NTM: variants seen among roughly 807,000 people sequenced by gnomAD.
The protein encoded by NTM is IgLON family member 2.
A neutral mutation model predicts 42.1 loss-of-function variants in NTM; 13 were observed. That is an observed-to-expected ratio of 0.31 (90% CI 0.20 to 0.49). The LOEUF (loss-of-function observed/expected upper bound fraction) is 0.49. NTM is among the 20% of genes least tolerant of loss of function. The pLI, the probability that NTM is intolerant of heterozygous loss-of-function variation, is 0.99. For synonymous variants in NTM, 187 were observed against 179.2 expected (o/e 1.04, Z -0.35); for missense variants, 373 against 452.8 (o/e 0.82, Z 1.60).
At chr11:131,783,575 A>C (rs2088577448) in intron 1 of NTM, among the ~76,000 whole-genome samples, 1 of 152,152 alleles carries the variant, frequency 6.6e-6, no homozygotes, top group South Asian at 2.1e-4. Context: ...TGCTCAAAAA[A>C]CTGAATATTT....
chr11:132,282,353 G>C (rs2094005152), intron 4 of NTM, among the ~76,000 whole-genome samples: 1 of 152,222 alleles, frequency 6.6e-6, no homozygotes. Context: ...GGAATAGCTT[G>C]TGTCTGGAAG....
intron 3 of NTM, among the ~76,000 whole-genome samples, chr11:132,166,861 T>C (rs2075357272): frequency 1.3e-5 from 2 of 152,172 alleles, no homozygotes; most frequent in Admixed American, 6.5e-5. Flanking sequence ...CCTCACAATC[T>C]CATAGCACTT....
At chr11:131,386,268 C>A (rs189313984) in intron 1 of NTM, among the ~76,000 whole-genome samples, 7 of 152,226 alleles carry the variant, frequency 4.6e-5, no homozygotes, top group Admixed American at 6.5e-5. Context: ...CTAGGGTAGG[C>A]AAATTCATGG....
chr11:131,836,449 G>A (rs1170758287), intron 1 of NTM, among the ~76,000 whole-genome samples: 3 of 152,150 alleles, frequency 2.0e-5, no homozygotes, highest in Non-Finnish European at 2.9e-5. Context: ...CACAGTGCTT[G>A]GAACACTGTA....
At chr11:132,253,652 C>T (rs889670990) in intron 4 of NTM, among the ~76,000 whole-genome samples, 10 of 152,158 alleles carry the variant, frequency 6.6e-5, no homozygotes, top group African/African-American at 2.4e-4. Flanking sequence ...CTCAGGCTCA[C>T]GTGGCCAGCT....
intron 2 of NTM, among the ~76,000 whole-genome samples, chr11:132,124,506 C>T (rs1566226961): frequency 6.6e-6 from 1 of 152,250 alleles, no homozygotes; most frequent in Non-Finnish European, 1.5e-5. Context: ...CCATCTGCCT[C>T]CCCATTTCTA....
rs952569543 is a variant in NTM, at chr11:131,957,634, A to G, written c.167+45986A>G. Among the ~76,000 whole-genome samples the G allele has an allele frequency of 5.3e-5, 8 of 152,366 alleles. No individual in the cohort carries two copies. In the South Asian group the frequency reaches 6.2e-4, roughly 12 times the overall value. ...AGACAATACACATAAAAATAAAGGT[A>G]GTAAGTGTAAGAGCATTTTAATTGC... On this transcript the variant is annotated intron_variant, in intron 2 of 8. Transcript: ENST00000683400.
chr11:132,279,473 G>A (rs2044729), intron 4 of NTM, among the ~76,000 whole-genome samples: 6,932 of 152,196 alleles, frequency 0.046, 524 homozygotes, highest in African/African-American at 0.16. Context: ...TGCTTGTCAT[G>A]TTTAGATGCC....
intron 1 of NTM, among the ~76,000 whole-genome samples, chr11:131,607,332 T>G (rs1329360463): frequency 1.3e-5 from 2 of 152,234 alleles, no homozygotes; most frequent in Non-Finnish European, 1.5e-5. Flanking sequence ...TCTGCTGTTT[T>G]GCGGTTATAG....
At chr11:132,296,394 T>C (rs2094610529) in intron 4 of NTM, among the ~76,000 whole-genome samples, 1 of 152,236 alleles carries the variant, frequency 6.6e-6, no homozygotes, top group Admixed American at 6.5e-5. Context: ...ACTTTTCCTA[T>C]AGTTTGTTCC....
At chr11:131,668,814 G>A (rs993586262) in intron 1 of NTM, among the ~76,000 whole-genome samples, 1 of 152,172 alleles carries the variant, frequency 6.6e-6, no homozygotes, top group East Asian at 1.9e-4. Context: ...TGATGCAAAC[G>A]TTAATTATAA....
chr11:131,587,914 A>T (rs1338323812), intron 1 of NTM, among the ~76,000 whole-genome samples: 1 of 152,214 alleles, frequency 6.6e-6, no homozygotes, highest in Admixed American at 6.5e-5. Context: ...CATCTTTAGG[A>T]TGAGGCTGAT....
chr11:131,998,639 G>A (rs962068788), intron 2 of NTM, among the ~76,000 whole-genome samples: 14 of 152,104 alleles, frequency 9.2e-5, no homozygotes, highest in Non-Finnish European at 4.4e-5. Flanking sequence ...ATACTCCGTC[G>A]GTCACCCTGG....
intron 4 of NTM, among the ~76,000 whole-genome samples, chr11:132,275,234 A>T (rs116066637): frequency 3.5e-4 from 54 of 152,182 alleles, no homozygotes; most frequent in South Asian, 1.7e-3. Flanking sequence ...AGGCATTGAG[A>T]TATTTTTTCA....
chr11:132,232,116 C>T (rs1467978595), intron 4 of NTM, among the ~76,000 whole-genome samples: 2 of 152,322 alleles, frequency 1.3e-5, no homozygotes, highest in East Asian at 1.9e-4. Context: ...ACCTGCGTCT[C>T]GCCTGGGAGA....
intron 4 of NTM, among the ~76,000 whole-genome samples, chr11:132,290,312 G>A (rs983462071): frequency 6.6e-6 from 1 of 151,906 alleles, no homozygotes; most frequent in East Asian, 1.9e-4. Flanking sequence ...CCATCAGTGA[G>A]CAGACATCTC....
chr11:132,087,300 CCT>C (rs1472164736), intron 2 of NTM, among the ~76,000 whole-genome samples: 1 of 152,116 alleles, frequency 6.6e-6, no homozygotes, highest in African/African-American at 2.4e-5. Context: ...CTTTGAGTTT[CCT>C]AGACCTCATT....
chr11:132,101,932 A>C (rs1177400785), intron 2 of NTM, among the ~76,000 whole-genome samples: 2 of 152,206 alleles, frequency 1.3e-5, no homozygotes, highest in Non-Finnish European at 1.5e-5. Flanking sequence ...TGGCACAAAA[A>C]GCTTTCTGTA....
At chr11:132,179,473 G>A (rs1352213249) in intron 3 of NTM, among the ~76,000 whole-genome samples, 1 of 152,040 alleles carries the variant, frequency 6.6e-6, no homozygotes, top group Non-Finnish European at 1.5e-5. Flanking sequence ...GGTGCATTAT[G>A]GTAAAAGATA....
Sources: allele counts gnomAD v4.1 joint callset (sites outside exome capture counted in the v4.1 genomes callset), GRCh38; gene constraint gnomAD v4.1.1; transcripts MANE v1.5; gene names NCBI Gene and HGNC (gene_info 2026-07-23, HGNC 2026-07-21).